Variants in CADM2 observed in about 807,000 individuals in gnomAD.
The protein encoded by CADM2 is cell adhesion molecule 2, also known as immunoglobulin superfamily member 4D.
CADM2 carries 12 observed loss-of-function variants against 49.8 expected under a neutral mutation model. The observed-to-expected ratio is 0.24, with a 90% CI of 0.15 to 0.39. CADM2 has a LOEUF of 0.39. Ranked by LOEUF, CADM2 falls within the 10% of genes least tolerant of loss-of-function variation. The pLI is 1.00. For missense variants in CADM2, 378 were observed against 492.3 expected (o/e 0.77, Z 2.20); for synonymous variants, 214 against 175.4 (o/e 1.22, Z -1.74).
intron 3 of CADM2, among the ~76,000 whole-genome samples, chr3:85,826,362 C>T (rs1048349380): frequency 6.6e-6 from 1 of 152,020 alleles, no homozygotes; most frequent in African/African-American, 2.4e-5. Context: ...ACTCAACTTC[C>T]ATTAAAACAA....
intron 1 of CADM2, among the ~76,000 whole-genome samples, chr3:85,477,172 A>G (rs537353268): frequency 8.8e-4 from 131 of 149,618 alleles, no homozygotes; most frequent in Non-Finnish European, 1.6e-3. Context: ...TCAAAAAACC[A>G]TCTGTTTCTT....
At chr3:85,174,267 A>C (rs2040714225) in intron 1 of CADM2, among the ~76,000 whole-genome samples, 1 of 152,156 alleles carries the variant, frequency 6.6e-6, no homozygotes. Flanking sequence ...TATTTGAGGA[A>C]AGCTGTTGTG....
intron 1 of CADM2, among the ~76,000 whole-genome samples, chr3:85,279,116 A>G (rs72919248): frequency 0.18 from 27,896 of 151,414 alleles, 4,544 homozygotes; most frequent in African/African-American, 0.44. Flanking sequence ...TTAATAAGAA[A>G]CAATGGTATT....
At chr3:85,185,075 T>A (rs962759641) in intron 1 of CADM2, among the ~76,000 whole-genome samples, 5 of 152,024 alleles carry the variant, frequency 3.3e-5, no homozygotes, top group African/African-American at 4.8e-5. Flanking sequence ...ACAGATAGGG[T>A]ATTATTTTTG....
intron 8 of CADM2, among the ~76,000 whole-genome samples, chr3:85,986,416 G>C (rs888046403): frequency 2.0e-5 from 3 of 147,522 alleles, no homozygotes; most frequent in African/African-American, 7.5e-5. Context: ...AAATCAAGAA[G>C]TTGTTTATGA....
intron 3 of CADM2, among the ~76,000 whole-genome samples, chr3:85,804,926 T>C (rs1011776616): frequency 1.3e-5 from 2 of 152,134 alleles, no homozygotes; most frequent in African/African-American, 2.4e-5. Flanking sequence ...GTTCTATGAA[T>C]TGTTGAAGTA....
At chr3:85,839,584 A>G (rs1175543203) in intron 3 of CADM2, among the ~76,000 whole-genome samples, 1 of 151,812 alleles carries the variant, frequency 6.6e-6, no homozygotes, top group Admixed American at 6.6e-5. Flanking sequence ...TGTACTTCTT[A>G]CCTCAGGCAC....
chr3:85,689,578 C>G (rs1461169452), intron 1 of CADM2, among the ~76,000 whole-genome samples: 3 of 152,054 alleles, frequency 2.0e-5, no homozygotes, highest in Non-Finnish European at 4.4e-5. Context: ...TAAATAGGTG[C>G]AGAAAGACAA....
intron 1 of CADM2, among the ~76,000 whole-genome samples, chr3:85,314,088 C>T (rs1415173994): frequency 1.3e-5 from 2 of 152,080 alleles, no homozygotes; most frequent in African/African-American, 2.4e-5. Context: ...CGGAGTTTCA[C>T]CGTGTTAGCC....
At chr3:85,779,392 A>G (rs2107986476) in intron 2 of CADM2, among the ~76,000 whole-genome samples, 1 of 152,302 alleles carries the variant, frequency 6.6e-6, no homozygotes, top group South Asian at 2.1e-4. Context: ...TAATAAACAC[A>G]TGCATGAGAC....
intron 8 of CADM2, among the ~76,000 whole-genome samples, chr3:86,043,813 C>G (rs996898570): frequency 6.6e-6 from 1 of 152,148 alleles, no homozygotes. Context: ...TCAAACTATA[C>G]TACAAGGCTA....
chr3:85,044,225 A>C (rs550950343), intron 1 of CADM2, among the ~76,000 whole-genome samples: 4 of 152,176 alleles, frequency 2.6e-5, no homozygotes, highest in African/African-American at 9.7e-5. Context: ...GGTGAGAAGA[A>C]GCATGTTTCC....
At chr3:85,314,043 C>A (rs78570655) in intron 1 of CADM2, among the ~76,000 whole-genome samples, 301 of 152,226 alleles carry the variant, frequency 2.0e-3, no homozygotes, top group African/African-American at 6.0e-3. Context: ...GCGCGTGCCA[C>A]CACGCCTGGT....
intron 1 of CADM2, among the ~76,000 whole-genome samples, chr3:85,545,340 C>T (rs2061645601): frequency 6.6e-6 from 1 of 151,984 alleles, no homozygotes; most frequent in African/African-American, 2.4e-5. Flanking sequence ...ATGTGTATTC[C>T]ACACACAGTC....
intron 6 of CADM2, among the ~76,000 whole-genome samples, chr3:85,914,075 T>G (rs1299657130): frequency 2.6e-5 from 4 of 152,160 alleles, no homozygotes; most frequent in African/African-American, 9.7e-5. Flanking sequence ...GACTATAATA[T>G]GCTTATTTTT....
intron 1 of CADM2, among the ~76,000 whole-genome samples, chr3:85,057,735 G>A (rs1490436178): frequency 6.6e-6 from 1 of 152,106 alleles, no homozygotes; most frequent in Non-Finnish European, 1.5e-5. Context: ...AAGCAGTTTT[G>A]ATACAGTAAA....
At chr3:85,760,507 C>G (rs935018371) in intron 2 of CADM2, among the ~76,000 whole-genome samples, 2 of 152,106 alleles carry the variant, frequency 1.3e-5, no homozygotes, top group African/African-American at 4.8e-5. Flanking sequence ...AACTCATCGA[C>G]ATGAACTTTA....
At chr3:85,547,064 A>G (rs1041720805) in intron 1 of CADM2, among the ~76,000 whole-genome samples, 1 of 150,114 alleles carries the variant, frequency 6.7e-6, no homozygotes, top group African/African-American at 2.4e-5. Context: ...TAAACAAAAT[A>G]TATTATGTTG....
intron 1 of CADM2, among the ~76,000 whole-genome samples, chr3:85,066,487 A>T (rs180922684): frequency 3.3e-5 from 5 of 152,152 alleles, no homozygotes; most frequent in Non-Finnish European, 2.9e-5. Context: ...TGGCACCACA[A>T]ATCTTTTCAG....
Sources: allele counts gnomAD v4.1 joint callset (sites outside exome capture counted in the v4.1 genomes callset), GRCh38; gene constraint gnomAD v4.1.1; transcripts MANE v1.5; gene names NCBI Gene and HGNC (gene_info 2026-07-23, HGNC 2026-07-21).